PRKAG2: variants seen among roughly 807,000 people sequenced by gnomAD.
The protein encoded by PRKAG2 is 5'-AMP-activated protein kinase subunit gamma-2.
In PRKAG2, 26 loss-of-function variants were observed where a neutral mutation model predicts 69.6. That is an observed-to-expected ratio of 0.37 (90% CI 0.27 to 0.52). PRKAG2 has a LOEUF of 0.52. Among genes scored for constraint, PRKAG2 ranks in the 20% least tolerant of loss-of-function variants. PRKAG2 has a pLI of 0.90. For synonymous variants in PRKAG2, 293 were observed against 285.0 expected (o/e 1.03, Z -0.28); for missense variants, 557 against 740.0 (o/e 0.75, Z 2.87).
At chr7:151,559,516 G>A in intron 15 of PRKAG2, 1 of 981,838 alleles carries the variant, frequency 1.0e-6, no homozygotes, top group Non-Finnish European at 1.2e-6. Context: ...TGGTGGTGAT[G>A]ATGCCTGGCC....
At chr7:151,592,636 C>T (rs919511857) in intron 6 of PRKAG2, among the ~76,000 whole-genome samples, 2 of 152,152 alleles carry the variant, frequency 1.3e-5, no homozygotes, top group Non-Finnish European at 2.9e-5. Flanking sequence ...CTCAGAGTAA[C>T]GTGGTCATTT....
chr7:151,748,533 T>C (rs1391882226), intron 3 of PRKAG2, among the ~76,000 whole-genome samples: 1 of 152,212 alleles, frequency 6.6e-6, no homozygotes, highest in African/African-American at 2.4e-5. Context: ...AGGCATATGA[T>C]TTTTAAAGGC....
chr7:151,763,967 C>A (rs1256206543), intron 3 of PRKAG2, among the ~76,000 whole-genome samples: 1 of 152,374 alleles, frequency 6.6e-6, no homozygotes, highest in Admixed American at 6.5e-5. Flanking sequence ...TGCGTCTCTA[C>A]AGGAGTTGGT....
intron 3 of PRKAG2, among the ~76,000 whole-genome samples, chr7:151,755,987 G>A (rs1253568244): frequency 1.3e-5 from 2 of 152,172 alleles, no homozygotes; most frequent in African/African-American, 2.4e-5. Context: ...GTGGAGAAAA[G>A]TCCTCAGTGT....
rs188060093 is a variant in PRKAG2 at position 151,854,746 on chromosome 7, G to A, written c.114+21761C>T. 2.6e-3 allele frequency among the ~76,000 whole-genome samples: 399 copies of A among 152,308 alleles called. 2 individuals are homozygous for A. Among genetic ancestry groups the A allele is most frequent in the African/African-American group, 8.7e-3 (361 of 41,556 alleles). ...AGAATCAGGGTGCCTGGTCCTTAGGGCGCGCCTCCTGTGATTCTCACACAA... is the reference window on the plus strand; with the variant it reads ...AGAATCAGGGTGCCTGGTCCTTAGGACGCGCCTCCTGTGATTCTCACACAA... On this transcript the variant is annotated intron_variant, in intron 1 of 15. Coordinates refer to ENST00000287878, the MANE Select transcript of PRKAG2 (RefSeq NM_016203.4).
intron 3 of PRKAG2, among the ~76,000 whole-genome samples, chr7:151,767,111 G>A (rs2075775152): frequency 6.6e-6 from 1 of 152,200 alleles, no homozygotes; most frequent in African/African-American, 2.4e-5. Flanking sequence ...AAAAACCTCT[G>A]TGAAGATGAA....
chr7:151,588,136 C>A (rs182748905), intron 6 of PRKAG2, among the ~76,000 whole-genome samples: 158 of 152,202 alleles, frequency 1.0e-3, no homozygotes, highest in Non-Finnish European at 1.8e-3. Context: ...GTGAGGATTC[C>A]ATTATGAAGT....
Position 151,780,596 on chromosome 7 carries a change from A to G in PRKAG2, c.466+556T>C, listed in dbSNP as rs967771600. Among the ~76,000 whole-genome samples the G allele has an allele frequency of 1.3e-5, 2 of 152,282 alleles. No individual in the cohort carries two copies. The highest frequency in any genetic ancestry group is 4.1e-4 in the South Asian group (2 of 4,822). Reference sequence around the variant, plus strand: ...AATGAACCTACGGAACTCTTTCTTAAACACTCACATTTCCTCCTTCCATTT... The same window carrying G: ...AATGAACCTACGGAACTCTTTCTTAGACACTCACATTTCCTCCTTCCATTT... On this transcript the variant is annotated intron_variant, in intron 3 of 15. Coordinates refer to ENST00000287878, the MANE Select transcript of PRKAG2 (RefSeq NM_016203.4). The surrounding 1 kb of genome is among the most constrained non-coding windows in gnomAD (Gnocchi z 4.2).
intron 3 of PRKAG2, among the ~76,000 whole-genome samples, chr7:151,688,821 A>G (rs1007862632): frequency 3.3e-5 from 5 of 152,154 alleles, no homozygotes; most frequent in Non-Finnish European, 5.9e-5. Flanking sequence ...CTGTCTCTCA[A>G]ATCACTTCGG....
intron 1 of PRKAG2, among the ~76,000 whole-genome samples, chr7:151,845,994 T>C (rs757046920): frequency 6.6e-6 from 1 of 152,142 alleles, no homozygotes; most frequent in Non-Finnish European, 1.5e-5. Context: ...GGAGCCCTCC[T>C]CAACAGATGA....
chr7:151,595,785 T>C (rs908544018), intron 5 of PRKAG2, among the ~76,000 whole-genome samples: 1 of 152,314 alleles, frequency 6.6e-6, no homozygotes, highest in Middle Eastern at 3.4e-3. Flanking sequence ...CTAAAAAGAA[T>C]GAGTTTAGCA....
intron 5 of PRKAG2, among the ~76,000 whole-genome samples, chr7:151,630,729 C>T (rs145899456): frequency 2.6e-5 from 4 of 152,322 alleles, no homozygotes; most frequent in Non-Finnish European, 5.9e-5. Context: ...CATTCAAAGT[C>T]TTATGGAACG....
chr7:151,672,164 C>T (rs1162901262), intron 4 of PRKAG2, among the ~76,000 whole-genome samples: 1 of 151,170 alleles, frequency 6.6e-6, no homozygotes, highest in African/African-American at 2.4e-5. Context: ...TGCAGTGGCG[C>T]CATCTCGGCT....
intron 3 of PRKAG2, among the ~76,000 whole-genome samples, chr7:151,696,556 T>C (rs920448799): frequency 6.6e-6 from 1 of 152,168 alleles, no homozygotes; most frequent in African/African-American, 2.4e-5. Flanking sequence ...AGGACCTCTT[T>C]CCTTGCCTAA....
chr7:151,700,394 G>A (rs1170984260), intron 3 of PRKAG2, among the ~76,000 whole-genome samples: 1 of 151,404 alleles, frequency 6.6e-6, no homozygotes, highest in Non-Finnish European at 1.5e-5. Flanking sequence ...GACCTACGGA[G>A]CCTGAATCTG....
intron 3 of PRKAG2, among the ~76,000 whole-genome samples, chr7:151,732,356 C>T (rs1266452492): frequency 6.6e-6 from 1 of 152,052 alleles, no homozygotes; most frequent in Non-Finnish European, 1.5e-5. Flanking sequence ...CCAGGCTGGT[C>T]CCAAACTCCT....
chr7:151,719,641 CACCTGCCTCTCAAGGG>C lies in PRKAG2; in HGVS notation c.467-44020_467-44005del. Among the ~76,000 whole-genome samples, 1 of 152,300 alleles carries C rather than the reference CACCTGCCTCTCAAGGG, an allele frequency of 6.6e-6. No homozygotes were observed. Among genetic ancestry groups the C allele is most frequent in the Non-Finnish European group, 1.5e-5 (1 of 68,036 alleles). On this transcript the variant is annotated intron_variant, in intron 3 of 15. Coordinates refer to ENST00000287878, the MANE Select transcript of PRKAG2 (RefSeq NM_016203.4). This position sits in a 1 kb window ranked among gnomAD's most constrained non-coding sequence, Gnocchi z 5.2. ...TGGTGTGTGTTGAGTCCTGTCCTGG[CACCTGCCTCTCAAGGG>C]ACCTGCATTCCTGCCTGGGTCCCGC...
At chr7:151,735,420 A>G (rs1799616500) in intron 3 of PRKAG2, among the ~76,000 whole-genome samples, 1 of 152,150 alleles carries the variant, frequency 6.6e-6, no homozygotes, top group Admixed American at 6.5e-5. Context: ...GCTTCTCCTC[A>G]TGGGGCACAA....
chr7:151,801,301 G>T (rs1198036723), intron 1 of PRKAG2, among the ~76,000 whole-genome samples: 1 of 152,254 alleles, frequency 6.6e-6, no homozygotes, highest in Non-Finnish European at 1.5e-5. Flanking sequence ...AGACCAAGAA[G>T]ATAAATGAGA....
Sources: allele counts gnomAD v4.1 joint callset (sites outside exome capture counted in the v4.1 genomes callset), GRCh38; gene constraint gnomAD v4.1.1; non-coding constraint Gnocchi (gnomAD v3.1); transcripts MANE v1.5; gene names NCBI Gene and HGNC (gene_info 2026-07-23, HGNC 2026-07-21).